Variants in CKM observed in about 807,000 individuals in gnomAD.
The protein encoded by CKM is creatine kinase M-type.
In CKM, 28 loss-of-function variants were observed where a neutral mutation model predicts 35.4. That is an observed-to-expected ratio of 0.79 (90% confidence interval 0.59 to 1.08). The LOEUF is 1.08. Among genes scored for constraint, CKM ranks in the 50% least tolerant of loss-of-function variants. The pLI is 0.00. For synonymous variants in CKM, 215 were observed against 204.4 expected, an observed-to-expected ratio of 1.05 and a Z score of -0.44; for missense variants, 484 against 509.8, an observed-to-expected ratio of 0.95 and a Z score of 0.49.
rs765177605 is a variant in CKM at position 45,317,902 on chromosome 19, G to A, written c.271C>T (p.Pro91Ser). 23 of 1,613,780 alleles carry A rather than the reference G, an allele frequency of 1.4e-5. No individual in the cohort carries two copies. The highest frequency in any genetic ancestry group is 5.0e-5 in the Admixed American group (3 of 59,928). ...CCCCCGTGGCGATCCGAGATGATGGGGTCAAAGAGTTCCTTGAAAACTTCG... is the reference window on the plus strand; with the variant it reads ...CCCCCGTGGCGATCCGAGATGATGGAGTCAAAGAGTTCCTTGAAAACTTCG... ...SYEVFKELFDPIISDRHGGYK... is the reference protein window; with the variant it reads ...SYEVFKELFDSIISDRHGGYK... Residue 91 changes from proline to serine, a missense_variant, in exon 3 of 8, where the codon CCC (proline) becomes TCC (serine). Physicochemically the swap from Pro to Ser is moderately conservative, Grantham distance 74. Coordinates refer to ENST00000221476, the MANE Select transcript of CKM (RefSeq NM_001824.5).
chr19:45,315,849 C>CTTTTT lies in CKM; in HGVS notation c.349-257_349-253dup, dbSNP rs376961493. ...TCCCCATCTTCGTATATTTCTTTTC[C>CTTTTT]TTTTTTTTCTTCGAGACAGGGTCTC... is the stretch of plus-strand genomic sequence containing the variant. On this transcript the variant is annotated intron_variant, in intron 3 of 7. Transcript: ENST00000221476. Among the ~76,000 whole-genome samples, 56 of 135,660 alleles carry CTTTTT rather than the reference C, an allele frequency of 4.1e-4. 1 individual carries two copies. The highest frequency in any genetic ancestry group is 1.9e-3 in the South Asian group (8 of 4,258). The allele number at this position is 135,660 out of a possible 152,430, so 89.0% of individuals were successfully genotyped here. A position where few individuals can be genotyped will look rare whatever the true frequency, so the allele number is the denominator to read the frequency against.
chr19:45,313,014 T>C (rs565373935), intron 4 of CKM, among the ~76,000 whole-genome samples: 32 of 152,082 alleles, frequency 2.1e-4, no homozygotes, highest in Admixed American at 3.3e-4. Flanking sequence ...AAAATATGTG[T>C]ATAATGAATT....
At chr19:45,317,653 C>T (rs1971171517) in intron 3 of CKM, among the ~76,000 whole-genome samples, 172 bp downstream of exon 3, 1 of 151,626 alleles carries the variant, frequency 6.6e-6, no homozygotes, top group African/African-American at 2.4e-5. Flanking sequence ...AACTCCTGAC[C>T]TCAAGTGATA....
chr19:45,317,379 C>T (rs1363279688), intron 3 of CKM, among the ~76,000 whole-genome samples: 2 of 152,212 alleles, frequency 1.3e-5, no homozygotes, highest in Non-Finnish European at 2.9e-5. Flanking sequence ...CCTCTGCCTT[C>T]CAGGTTCAAG....
intron 1 of CKM, 133 bp downstream of exon 1, chr19:45,322,688 C>T: frequency 2.1e-6 from 1 of 472,270 alleles, no homozygotes; most frequent in African/African-American, 2.1e-5. Flanking sequence ...TTCCCACGCA[C>T]CGACCTGCCT....
chr19:45,315,849 C>CTTTTTTTTTTTTTTTTTTTTTTT (rs376961493), intron 3 of CKM, among the ~76,000 whole-genome samples: 1 of 135,624 alleles, frequency 7.4e-6, no homozygotes, highest in Non-Finnish European at 1.6e-5. Flanking sequence ...ATTTCTTTTC[C>CTTTTTTTTTTTTTTTTTTTTTTT]TTTTTTTTCT....
intron 3 of CKM, 66 bp downstream of exon 3, chr19:45,317,759 C>T: frequency 3.9e-6 from 6 of 1,533,604 alleles, no homozygotes; most frequent in Non-Finnish European, 5.4e-6. Flanking sequence ...CTCTGTCTCC[C>T]CCCATTTCTC....
At chr19:45,316,357 T>C (rs1453859500) in intron 3 of CKM, among the ~76,000 whole-genome samples, 4 of 147,510 alleles carry the variant, frequency 2.7e-5, no homozygotes, top group Non-Finnish European at 6.0e-5. Flanking sequence ...AGAGACAGGG[T>C]GTCACTATGT....
At chr19:45,307,337 G>A (rs912220694) in intron 7 of CKM, 124 bp downstream of exon 7, 10 of 829,654 alleles carry the variant, frequency 1.2e-5, no homozygotes, top group Admixed American at 1.2e-4. Flanking sequence ...AGAAATGCAA[G>A]CTCACAGAGG....
chr19:45,316,524 C>T (rs943981766), intron 3 of CKM, among the ~76,000 whole-genome samples: 1 of 151,416 alleles, frequency 6.6e-6, no homozygotes, highest in East Asian at 1.9e-4. Flanking sequence ...CTATGTTGCC[C>T]AAGCTGGTCG....
chr19:45,320,222 G>A (rs565815552), intron 1 of CKM, among the ~76,000 whole-genome samples: 1 of 152,248 alleles, frequency 6.6e-6, no homozygotes, highest in South Asian at 2.1e-4. Flanking sequence ...GAGTAGCTGG[G>A]ATTACAGGCG....
intron 1 of CKM, among the ~76,000 whole-genome samples, chr19:45,321,104 A>G (rs965939345): frequency 6.7e-6 from 1 of 148,658 alleles, no homozygotes; most frequent in Non-Finnish European, 1.5e-5. Flanking sequence ...GGGTTTCGCC[A>G]TGTTGGCCAG....
chr19:45,321,601 G>A lies in CKM; in HGVS notation c.-19+1220C>T, dbSNP rs559275878. ...CATGGAGTTGGAGCCTGGAACCCTGGTGGCTGCTATTATTGTTATTTGTTA... is the reference window on the plus strand; with the variant it reads ...CATGGAGTTGGAGCCTGGAACCCTGATGGCTGCTATTATTGTTATTTGTTA... On this transcript the variant is annotated intron_variant, in intron 1 of 7. Coordinates refer to ENST00000221476, the MANE Select transcript of CKM (RefSeq NM_001824.5). 5.3e-5 allele frequency among the ~76,000 whole-genome samples: 8 copies of A among 152,168 alleles called. No individual in the cohort carries two copies. The South Asian group carries it at 6.2e-4, about 12-fold the overall frequency.
rs1370021826 is a variant in CKM, at chr19:45,315,484, C to T, written c.462G>A (p.Val154=). Residue 154 remains valine, a synonymous_variant, in exon 4 of 8, where the codon GTG becomes GTA. Coordinates refer to ENST00000221476, the MANE Select transcript of CKM (RefSeq NM_001824.5). ...PHCSRGERRA[V]EKLSVEALNS... ...GCTCACCTTCCACAGAGAGCTTCTC[C>T]ACCGCCCGGCGCTCGCCACGGGAGC... 5.0e-6 allele frequency: 8 copies of T among 1,599,242 alleles called. No individual in the cohort carries two copies. Among genetic ancestry groups the T allele is most frequent in the Admixed American group, 3.3e-5 (2 of 59,958 alleles).
In CKM at chr19:45,321,942, C is replaced by T. The variant is rs142549797; in HGVS notation, c.-19+879G>A. On this transcript the variant is annotated intron_variant, in intron 1 of 7. Transcript: ENST00000221476. ...AGGGACCCGCCAAAGACCTTGGGTG[C>T]TGCTGTCCAGGGTGGTTATTTTTAG... 2.1e-4 allele frequency among the ~76,000 whole-genome samples: 32 copies of T among 152,168 alleles called. No individual in the cohort carries two copies. The East Asian group carries it at 6.0e-3, about 29-fold the overall frequency.
intron 6 of CKM, among the ~76,000 whole-genome samples, chr19:45,308,177 C>G (rs548004291): frequency 7.6e-6 from 1 of 132,204 alleles, no homozygotes; most frequent in Non-Finnish European, 1.6e-5. Flanking sequence ...CGGATCCTTA[C>G]GGGCGGGGCT....
At position 45,311,915 on chromosome 19, in the gene CKM, T is replaced by C. The variant is rs1971114315; in HGVS notation, c.487A>G (p.Asn163Asp). 2 of 1,613,818 alleles carry C rather than the reference T, an allele frequency of 1.2e-6. No homozygotes were observed. Among genetic ancestry groups the C allele is most frequent in the Non-Finnish European group, 1.7e-6 (2 of 1,179,924 alleles). The change falls in exon 5 of 8, where the codon AAC becomes GAC. Residue 163 changes from asparagine to aspartate, a missense_variant. Asn to Asp is a conservative substitution (Grantham distance 23). Coordinates refer to ENST00000221476, the MANE Select transcript of CKM (RefSeq NM_001824.5). ...CCTTTGAACTCGCCCGTCAGGCTGT[T>C]GAGAGCTATGGGGACACACGAGGGA... ...AVEKLSVEAL[N>D]SLTGEFKGKY...
intron 3 of CKM, 121 bp downstream of exon 3, chr19:45,317,704 T>C: frequency 8.8e-7 from 1 of 1,138,200 alleles, no homozygotes; most frequent in Non-Finnish European, 1.3e-6. Context: ...TCTTTCCATC[T>C]CTCTGCTTCT....
intron 6 of CKM, 93 bp downstream of exon 6, chr19:45,308,315 CA>C (rs1402391113): frequency 1.4e-6 from 2 of 1,476,758 alleles, no homozygotes; most frequent in Non-Finnish European, 1.9e-6. Context: ...ATGGGTGGGG[CA>C]GGGCTTAGTA....
Sources: gnomAD v4.1 joint callset for allele counts (sites outside exome capture counted in the v4.1 genomes callset) on GRCh38, gnomAD v4.1.1 for gene constraint, MANE v1.5 for transcripts, NCBI Gene and HGNC (gene_info 2026-07-23, HGNC 2026-07-21) for gene names.